PDE1C: variants seen among roughly 807,000 people sequenced by gnomAD.
The protein encoded by PDE1C is phosphodiesterase 1C.
PDE1C carries 62 observed loss-of-function variants against 93.1 expected under a neutral mutation model. The ratio of observed to expected loss-of-function variants is 0.67; its 90% CI spans 0.54 to 0.82. The LOEUF (loss-of-function observed/expected upper bound fraction) is 0.82, where lower values mean the gene tolerates loss of function less well. Among genes scored for constraint, PDE1C ranks in the 40% least tolerant of loss-of-function variants. The pLI is 0.00. For synonymous variants in PDE1C, 325 were observed against 310.1 expected, an observed-to-expected ratio of 1.05 and a Z score of -0.50; for missense variants, 742 against 884.6, an observed-to-expected ratio of 0.84 and a Z score of 2.04.
At chr7:31,695,548 G>A in the PDE1C span, 1 of 1,613,966 alleles carries the variant, frequency 6.2e-7, no homozygotes, top group Non-Finnish European at 8.5e-7. Flanking sequence ...AGGCCACCCT[G>A]AATGTTGAGT....
chr7:32,410,367 G>T (rs963699130), intron 1 of PDE1C, among the ~76,000 whole-genome samples: 11 of 151,544 alleles, frequency 7.3e-5, no homozygotes, highest in Non-Finnish European at 1.3e-4. Context: ...GGGTGAGGGC[G>T]GGTAGGAAGA....
At chr7:32,205,987 G>A (rs1260747977) in intron 2 of PDE1C, among the ~76,000 whole-genome samples, 1 of 152,194 alleles carries the variant, frequency 6.6e-6, no homozygotes, top group Non-Finnish European at 1.5e-5. Flanking sequence ...TTTGAAGTCA[G>A]CGAGACCAAG....
At chr7:32,298,684 T>A in exon 1 of PDE1C, 1 of 1,607,894 alleles carries the variant, frequency 6.2e-7, no homozygotes, top group Non-Finnish European at 8.5e-7. Flanking sequence ...ATGCTGAAAG[T>A]GGCGCTCCGG....
rs572963640 is a variant in PDE1C at position 32,172,413 on chromosome 7, C to T, written c.137-2457G>A. 5.9e-5 allele frequency among the ~76,000 whole-genome samples: 9 copies of T among 152,262 alleles called. No individual in the cohort carries two copies. In the South Asian group the frequency reaches 1.9e-3, roughly 32 times the overall value. ...AACAGACACTTCTCCAAAGAAGACACTTACATGGCCACCAAACATATGAAA... is the reference window on the plus strand; with the variant it reads ...AACAGACACTTCTCCAAAGAAGACATTTACATGGCCACCAAACATATGAAA... On this transcript the variant is annotated intron_variant, in intron 2 of 18. Coordinates refer to the PDE1C transcript ENST00000396193.
chr7:31,823,045 T>C, intron 14 of PDE1C, 28 bp downstream of exon 14: 2 of 1,544,260 alleles, frequency 1.3e-6, no homozygotes, highest in Non-Finnish European at 1.7e-6. Flanking sequence ...TATGCTGAAT[T>C]GGTTTGGACA....
intron 2 of PDE1C, among the ~76,000 whole-genome samples, chr7:32,037,340 C>A (rs981487864): frequency 7.2e-5 from 11 of 152,004 alleles, no homozygotes; most frequent in Non-Finnish European, 4.4e-5. Context: ...ATCTAGTTCA[C>A]GATAAGGTAA....
At chr7:32,382,844 G>A (rs149160025) in intron 1 of PDE1C, among the ~76,000 whole-genome samples, 2,138 of 152,282 alleles carry the variant, frequency 0.014, 17 homozygotes, top group Middle Eastern at 0.037. Flanking sequence ...CACCCGTGTC[G>A]TCTCCCCTAC....
intron 16 of PDE1C, among the ~76,000 whole-genome samples, chr7:31,793,025 T>C (rs190206523): frequency 2.7e-3 from 413 of 152,164 alleles, no homozygotes; most frequent in Admixed American, 9.8e-3. Context: ...AAATACATGG[T>C]ATATGAATTC....
chr7:31,633,363 C>G, the PDE1C span, among the ~76,000 whole-genome samples: 1 of 152,204 alleles, frequency 6.6e-6, no homozygotes, highest in Non-Finnish European at 1.5e-5. Context: ...GTATGATGCT[C>G]TCTGACCAGA....
At chr7:31,919,558 C>T (rs1802352560) in intron 2 of PDE1C, among the ~76,000 whole-genome samples, 1 of 152,026 alleles carries the variant, frequency 6.6e-6, no homozygotes, top group Non-Finnish European at 1.5e-5. Flanking sequence ...AAAAAAGACC[C>T]TAACCTCAAG....
the PDE1C span, among the ~76,000 whole-genome samples, chr7:31,743,665 G>C: frequency 6.6e-6 from 1 of 151,940 alleles, no homozygotes. Flanking sequence ...AGGGAAGCAG[G>C]GTTTTCTACT....
chr7:31,631,855 T>C, the PDE1C span, among the ~76,000 whole-genome samples: 1 of 152,222 alleles, frequency 6.6e-6, no homozygotes, highest in Non-Finnish European at 1.5e-5. Flanking sequence ...AGGATTATTT[T>C]CAATAACTAC....
At chr7:31,804,273 A>G (rs1214375819) in intron 16 of PDE1C, among the ~76,000 whole-genome samples, 1 of 151,910 alleles carries the variant, frequency 6.6e-6, no homozygotes, top group African/African-American at 2.4e-5. Context: ...TGACTAAAGC[A>G]AGACAAATAT....
chr7:31,977,474 A>G (rs1268024368), intron 2 of PDE1C, among the ~76,000 whole-genome samples: 1 of 152,180 alleles, frequency 6.6e-6, no homozygotes, highest in Admixed American at 6.6e-5. Flanking sequence ...TATAGCTAGA[A>G]AATACCAAGC....
the PDE1C span, among the ~76,000 whole-genome samples, chr7:31,722,035 C>T: frequency 6.6e-6 from 1 of 152,160 alleles, no homozygotes; most frequent in South Asian, 2.1e-4. Flanking sequence ...CACCAGAACC[C>T]CTCAGAAGGC....
Position 32,237,742 on chromosome 7 carries a change from GTATATA to G in PDE1C, c.86-28209_86-28204del, listed in dbSNP as rs372356671. Among the ~76,000 whole-genome samples, 8 of 31,232 alleles carry G rather than the reference GTATATA, an allele frequency of 2.6e-4. No individual in the cohort carries two copies. The South Asian group carries it at 0.011, about 44-fold the overall frequency. 20.5% of individuals were successfully genotyped at this position (31,232 alleles called of 152,430 possible). On this transcript the variant is annotated intron_variant, in intron 1 of 18. Coordinates refer to the PDE1C transcript ENST00000396193. ...AGCCACTATCCGCACTTGGCTCTGT[GTATATA>G]TATATATATATATACTTTTTTTTTT...
chr7:31,919,906 T>A (rs548502941), intron 2 of PDE1C, among the ~76,000 whole-genome samples: 1 of 152,152 alleles, frequency 6.6e-6, no homozygotes, highest in South Asian at 2.1e-4. Context: ...GTTTTCTGGC[T>A]CCTCTGAGCA....
At chr7:31,748,714 C>T (rs1223858668), downstream of PDE1C, among the ~76,000 whole-genome samples, 5 of 152,190 alleles carry the variant, frequency 3.3e-5, no homozygotes, top group Non-Finnish European at 7.3e-5. Context: ...CTTGCCTCAA[C>T]TGGCCTTGCT....
rs539238877 is a variant in PDE1C at position 31,987,307 on chromosome 7, G to A, written c.128+64247C>T. On this transcript the variant is annotated intron_variant, in intron 2 of 17. Coordinates refer to ENST00000396191, the MANE Select transcript of PDE1C (RefSeq NM_001191057.4). ...GAAATGTAAACAGAGAGATGCAAAT[G>A]TGATGTGCAATTTAAAGGATTTACT... Among the ~76,000 whole-genome samples, 46 of 152,322 alleles carry A rather than the reference G, an allele frequency of 3.0e-4. 1 individual carries two copies. The South Asian group carries it at 9.1e-3, about 30-fold the overall frequency.
Sources: allele counts gnomAD v4.1 joint callset (sites outside exome capture counted in the v4.1 genomes callset), GRCh38; gene constraint gnomAD v4.1.1; transcripts MANE v1.5; gene names NCBI Gene and HGNC (gene_info 2026-07-23, HGNC 2026-07-21).